The following MCM3AP variants were observed in gnomAD, a reference collection of about 807,000 sequenced individuals.
MCM3AP encodes germinal-center associated nuclear protein.
In MCM3AP, 126 loss-of-function variants were observed where a neutral mutation model predicts 184.1. That is an observed-to-expected ratio of 0.68 (90% confidence interval 0.59 to 0.79). MCM3AP has a LOEUF of 0.79. Among genes scored for constraint, MCM3AP ranks in the 30% least tolerant of loss-of-function variants. MCM3AP has a pLI of 0.00. For missense variants in MCM3AP, 2,496 were observed against 2,479.2 expected, an observed-to-expected ratio of 1.01 and a Z score of -0.14; for synonymous variants, 1,002 against 979.3, an observed-to-expected ratio of 1.02 and a Z score of -0.43.
At chr21:46,281,324 C>T (rs546272894) in intron 2 of MCM3AP, among the ~76,000 whole-genome samples, 12 of 152,124 alleles carry the variant, frequency 7.9e-5, no homozygotes, top group African/African-American at 2.9e-4. Flanking sequence ...CGTGTAGATA[C>T]ACTCATAAAA....
At position 46,273,325 on chromosome 21, in the gene MCM3AP, A is replaced by G. The variant is rs781232462; in HGVS notation, c.2196+63T>C. The stretch of plus-strand genomic sequence containing the variant: ...TAAAATATATAACAGAGTAATAAAA[A>G]TATCAGTTTGACTTTGGAATTTGCG... On this transcript the variant is annotated intron_variant, in intron 7 of 27. Transcript: ENST00000291688. The G allele has an allele frequency of 6.6e-5, 95 of 1,443,018 alleles. No homozygotes were observed. In the East Asian group the frequency reaches 8.7e-4, roughly 13 times the overall value. The allele number at this position is 1,443,018 out of a possible 1,614,324, so 89.4% of individuals were successfully genotyped here. A position where few individuals can be genotyped will look rare whatever the true frequency, so the allele number is the denominator to read the frequency against.
chr21:46,282,314 C>A (rs2081343485), intron 2 of MCM3AP, among the ~76,000 whole-genome samples: 1 of 152,058 alleles, frequency 6.6e-6, no homozygotes, highest in Non-Finnish European at 1.5e-5. Flanking sequence ...AAAGTAGAAA[C>A]AACCCGCGTC....
chr21:46,249,769 A>C, intron 20 of MCM3AP: 1 of 310,216 alleles, frequency 3.2e-6, no homozygotes, highest in Non-Finnish European at 6.3e-6. Flanking sequence ...CTGTGTTTGC[A>C]CTCATTTTAT....
intron 12 of MCM3AP, among the ~76,000 whole-genome samples, chr21:46,264,776 C>A (rs2145675045): frequency 8.4e-6 from 1 of 119,060 alleles, no homozygotes; most frequent in African/African-American, 3.4e-5. Context: ...CGAGGCCACG[C>A]CTATCAGGGG....
chr21:46,279,464 C>CA (rs2081299063), intron 4 of MCM3AP, among the ~76,000 whole-genome samples: 1 of 152,274 alleles, frequency 6.6e-6, no homozygotes, highest in Non-Finnish European at 1.5e-5. Context: ...CGACCCGCCA[C>CA]AGGGCGCCAG....
chr21:46,254,338 C>G (rs975420706), intron 19 of MCM3AP, 54 bp downstream of exon 19: 18 of 1,610,066 alleles, frequency 1.1e-5, no homozygotes, highest in Non-Finnish European at 1.5e-5. Context: ...GCCCACAACC[C>G]TGCCCTGCCC....
intron 12 of MCM3AP, among the ~76,000 whole-genome samples, chr21:46,264,670 C>A (rs1031285217): frequency 1.3e-5 from 2 of 152,168 alleles, no homozygotes; most frequent in Non-Finnish European, 2.9e-5. Flanking sequence ...CATCCACCCC[C>A]AGGCCAGGCT....
intron 20 of MCM3AP, among the ~76,000 whole-genome samples, chr21:46,248,952 G>C (rs1008368712): frequency 1.2e-4 from 19 of 152,122 alleles, no homozygotes; most frequent in African/African-American, 4.3e-4. Flanking sequence ...AAAAGACAGA[G>C]TGTCATAAAG....
At chr21:46,282,531 G>C (rs17182587) in intron 2 of MCM3AP, among the ~76,000 whole-genome samples, 7 of 152,154 alleles carry the variant, frequency 4.6e-5, no homozygotes, top group Admixed American at 4.6e-4. Flanking sequence ...TAGGCTGGGC[G>C]CAGTGGCTCA....
At chr21:46,260,073 C>CT (rs1348218815) in intron 15 of MCM3AP, among the ~76,000 whole-genome samples, 1 of 150,738 alleles carries the variant, frequency 6.6e-6, no homozygotes, top group Non-Finnish European at 1.5e-5. Flanking sequence ...AAGACTCCGT[C>CT]TTTAAAAAAA....
In MCM3AP at chr21:46,262,983, A is replaced by G. The variant is rs1048241788; in HGVS notation, c.3335+1134T>C. Among the ~76,000 whole-genome samples the G allele has an allele frequency of 7.3e-4, 110 of 150,072 alleles. 1 individual carries two copies. Among genetic ancestry groups the G allele is most frequent in the Middle Eastern group, 3.5e-3 (1 of 286 alleles). ...TCCGTCTCAAAAAAAAAAAAAAAAA[A>G]AAAAAGAAATGGAAAACTACAGACC... On this transcript the variant is annotated intron_variant, in intron 13 of 27. Coordinates refer to ENST00000291688, the MANE Select transcript of MCM3AP (RefSeq NM_003906.5).
chr21:46,246,507 A>G lies in MCM3AP; in HGVS notation c.4550-103T>C. 2.1e-6 allele frequency: 3 copies of G among 1,452,758 alleles called. No individual in the cohort carries two copies. The South Asian group carries it at 3.4e-5, about 17-fold the overall frequency. 90.0% of individuals were successfully genotyped at this position (1,452,758 alleles called of 1,614,324 possible). A position where few individuals can be genotyped will look rare whatever the true frequency, so the allele number is the denominator to read the frequency against. ...CCACCCAGTCCTGCAGTGGACAGTCACCACAGGGGTTGCTGTCTCAGTGAT... is the reference window on the plus strand; with the variant it reads ...CCACCCAGTCCTGCAGTGGACAGTCGCCACAGGGGTTGCTGTCTCAGTGAT... On this transcript the variant is annotated intron_variant, in intron 21 of 27. Coordinates refer to ENST00000291688, the MANE Select transcript of MCM3AP (RefSeq NM_003906.5).
At chr21:46,258,400 G>C (rs756760892) in intron 16 of MCM3AP, among the ~76,000 whole-genome samples, 6 of 152,128 alleles carry the variant, frequency 3.9e-5, no homozygotes, top group Non-Finnish European at 8.8e-5. Context: ...GCCATGAGAG[G>C]CACCACCTCC....
At position 46,241,020 on chromosome 21, in the gene MCM3AP, G is replaced by C. The variant is rs773953669; in HGVS notation, c.5427-3C>G. ...GATGAAAAGGCTTTATTGCCAAACT[G>C]TAAGTACATGATTTGAAATGTTTAT... On this transcript the variant is annotated splice_region_variant and splice_polypyrimidine_tract_variant and intron_variant, in intron 25 of 27. Coordinates refer to ENST00000291688, the MANE Select transcript of MCM3AP (RefSeq NM_003906.5). The C allele has an allele frequency of 1.2e-6, 2 of 1,602,040 alleles. No individual in the cohort carries two copies. The highest frequency in any genetic ancestry group is 1.1e-5 in the South Asian group (1 of 90,782).
Position 46,235,185 on chromosome 21 carries a change from GC to G in MCM3AP, c.*82del. On this transcript the variant is annotated 3_prime_UTR_variant, in exon 28 of 28. Transcript: ENST00000291688. ...TTAAATTAATCACATTTCCAACAGT[GC>G]ATCAAGCATCTGAGAATAACATTAT... 2 of 1,343,118 alleles carry G rather than the reference GC, an allele frequency of 1.5e-6. No homozygotes were observed. Among genetic ancestry groups the G allele is most frequent in the Non-Finnish European group, 2.1e-6 (2 of 950,736 alleles). 83.2% of individuals were successfully genotyped at this position (1,343,118 alleles called of 1,614,324 possible).
intron 2 of MCM3AP, among the ~76,000 whole-genome samples, chr21:46,281,012 G>A (rs898369921): frequency 6.6e-6 from 1 of 152,190 alleles, no homozygotes; most frequent in African/African-American, 2.4e-5. Context: ...CACCGTGTTA[G>A]CCAGGATGGT....
rs1278095751 is a variant in MCM3AP at position 46,244,934 on chromosome 21, C to G, written c.4911G>C (p.Glu1637Asp). The G allele has an allele frequency of 6.2e-7, 1 of 1,614,102 alleles. No homozygotes were observed. The highest frequency in any genetic ancestry group is 8.5e-7 in the Non-Finnish European group (1 of 1,180,052). ...GCCGGCTGCCCCCTGCCTCAGCAAA[C>G]TCAGTGACAGGCCAGGACAGGTCAC... ...QLCDLSWPVT[E>D]FAEAGGSRLL... is the part of the protein sequence containing the mutation. The change falls in exon 23 of 28, where the codon GAG becomes GAC. Residue 1637 changes from glutamate to aspartate, a missense_variant. By Grantham distance (45) the Glu-to-Asp change is conservative (BLOSUM62 2). Coordinates refer to ENST00000291688, the MANE Select transcript of MCM3AP (RefSeq NM_003906.5).
intron 15 of MCM3AP, 23 bp from the exon 16 acceptor site, chr21:46,259,114 G>A: frequency 6.3e-7 from 1 of 1,593,108 alleles, no homozygotes; most frequent in Non-Finnish European, 8.5e-7. Flanking sequence ...CAATCAGCAT[G>A]GAAGACACTG....
chr21:46,261,020 A>C, intron 14 of MCM3AP, 114 bp from the exon 15 acceptor site: 1 of 896,630 alleles, frequency 1.1e-6, no homozygotes, highest in Non-Finnish European at 1.8e-6. Context: ...CTGAGTCGGT[A>C]GGCCACCCCT....
Sources: gnomAD v4.1 joint callset for allele counts (sites outside exome capture counted in the v4.1 genomes callset) on GRCh38, gnomAD v4.1.1 for gene constraint, MANE v1.5 for transcripts, NCBI Gene and HGNC (gene_info 2026-07-23, HGNC 2026-07-21) for gene names.